KCNH8: variants seen among roughly 807,000 people sequenced by gnomAD.
KCNH8 encodes the protein voltage-gated delayed rectifier potassium channel KCNH8.
KCNH8 carries 70 observed loss-of-function variants against 103.6 expected under a neutral mutation model. The observed-to-expected ratio is 0.68, with a 90% CI of 0.56 to 0.82. The LOEUF (loss-of-function observed/expected upper bound fraction) is 0.82, where lower values mean the gene tolerates loss of function less well. Among genes scored for constraint, KCNH8 ranks in the 40% least tolerant of loss-of-function variants. The pLI, the probability that KCNH8 is intolerant of heterozygous loss-of-function variation, is 0.00. For synonymous variants in KCNH8, 498 were observed against 489.4 expected (o/e 1.02, Z -0.23); for missense variants, 1,217 against 1,329.9 (o/e 0.92, Z 1.32).
chr3:19,463,559 A>G (rs2067677081), intron 11 of KCNH8, among the ~76,000 whole-genome samples: 1 of 152,138 alleles, frequency 6.6e-6, no homozygotes, highest in Admixed American at 6.5e-5. Flanking sequence ...AATAAAAAAC[A>G]AAGGCGTAAA....
At chr3:19,367,219 T>C (rs945358523) in intron 5 of KCNH8, among the ~76,000 whole-genome samples, 9 of 151,800 alleles carry the variant, frequency 5.9e-5, no homozygotes, top group Admixed American at 6.6e-5. Flanking sequence ...CGCAATTAAA[T>C]TTTTCTTATC....
chr3:19,188,101 T>C (rs2063519548), intron 1 of KCNH8, among the ~76,000 whole-genome samples: 1 of 152,022 alleles, frequency 6.6e-6, no homozygotes, highest in African/African-American at 2.4e-5. Context: ...TCCTGGAAAA[T>C]AGCCCTACTC....
intron 1 of KCNH8, among the ~76,000 whole-genome samples, chr3:19,233,763 T>C (rs1445261907): frequency 6.6e-6 from 1 of 152,168 alleles, no homozygotes; most frequent in East Asian, 1.9e-4. Flanking sequence ...TTGGTCTCAC[T>C]GACTTCAAGA....
At chr3:19,501,237 A>C (rs957867446) in intron 11 of KCNH8, among the ~76,000 whole-genome samples, 5 of 152,316 alleles carry the variant, frequency 3.3e-5, no homozygotes, top group African/African-American at 7.2e-5. Context: ...GAAGAAGTTG[A>C]ATCTCTGAAT....
intron 11 of KCNH8, among the ~76,000 whole-genome samples, chr3:19,490,534 G>A (rs368167125): frequency 6.6e-6 from 1 of 152,216 alleles, no homozygotes; most frequent in African/African-American, 2.4e-5. Context: ...GTAATCTATA[G>A]ATAATATAAC....
intron 2 of KCNH8, among the ~76,000 whole-genome samples, chr3:19,266,644 A>G (rs1433203700): frequency 6.6e-6 from 1 of 152,132 alleles, no homozygotes; most frequent in African/African-American, 2.4e-5. Flanking sequence ...TTCCTGATAT[A>G]TAGTAAATGC....
intron 1 of KCNH8, among the ~76,000 whole-genome samples, chr3:19,219,129 C>A (rs984639914): frequency 3.3e-5 from 5 of 152,008 alleles, no homozygotes; most frequent in African/African-American, 1.2e-4. Context: ...GTGCTGCTGC[C>A]CTAAAGTCTT....
At chr3:19,257,991 A>G (rs2064368155) in intron 2 of KCNH8, among the ~76,000 whole-genome samples, 1 of 151,986 alleles carries the variant, frequency 6.6e-6, no homozygotes. Context: ...TCATCTTTAC[A>G]TATAGGTCTC....
intron 5 of KCNH8, among the ~76,000 whole-genome samples, chr3:19,349,714 C>T (rs58857185): frequency 7.9e-5 from 12 of 152,002 alleles, no homozygotes; most frequent in East Asian, 1.9e-4. Context: ...ATACCTTTGA[C>T]GGAGATATTT....
At chr3:19,435,111 T>C (rs1217327884) in intron 7 of KCNH8, among the ~76,000 whole-genome samples, 1 of 152,176 alleles carries the variant, frequency 6.6e-6, no homozygotes, top group Non-Finnish European at 1.5e-5. Flanking sequence ...TGGTAATCAT[T>C]TCATAACGTA....
chr3:19,371,022 G>A (rs1395211450), intron 5 of KCNH8, among the ~76,000 whole-genome samples: 1 of 152,058 alleles, frequency 6.6e-6, no homozygotes, highest in East Asian at 1.9e-4. Flanking sequence ...TTGGACATTT[G>A]GGTTGGTTCC....
intron 15 of KCNH8, among the ~76,000 whole-genome samples, chr3:19,530,626 G>T (rs1175358547): frequency 6.6e-6 from 1 of 152,090 alleles, no homozygotes; most frequent in Non-Finnish European, 1.5e-5. Context: ...TGTTTAATCA[G>T]TCTCCTACAT....
At chr3:19,371,294 T>C (rs1166149957) in intron 5 of KCNH8, among the ~76,000 whole-genome samples, 3 of 151,536 alleles carry the variant, frequency 2.0e-5, no homozygotes, top group Admixed American at 1.3e-4. Flanking sequence ...TTTTTAATGA[T>C]TGCCATTCTA....
At chr3:19,238,562 A>G (rs745381380) in intron 1 of KCNH8, among the ~76,000 whole-genome samples, 2 of 152,238 alleles carry the variant, frequency 1.3e-5, no homozygotes, top group Non-Finnish European at 2.9e-5. Context: ...ATGCTGAGGA[A>G]ATACATTTTG....
At chr3:19,416,222 C>A (rs1322201753) in intron 7 of KCNH8, among the ~76,000 whole-genome samples, 3 of 151,918 alleles carry the variant, frequency 2.0e-5, no homozygotes, top group Admixed American at 2.0e-4. Flanking sequence ...TGTACATATT[C>A]TTTGTGTACT....
At chr3:19,311,100 A>G (rs1303724815) in intron 3 of KCNH8, among the ~76,000 whole-genome samples, 5 of 151,674 alleles carry the variant, frequency 3.3e-5, no homozygotes, top group Admixed American at 2.6e-4. Context: ...AGGTCCACAG[A>G]TTGCCCTACC....
intron 1 of KCNH8, among the ~76,000 whole-genome samples, chr3:19,244,462 T>C (rs530558583): frequency 6.6e-5 from 10 of 152,200 alleles, no homozygotes; most frequent in Admixed American, 1.3e-4. Flanking sequence ...TATAATGATC[T>C]ATTTTCCTTT....
intron 1 of KCNH8, among the ~76,000 whole-genome samples, chr3:19,180,283 TTGGCCCTTC>T (rs2063439097): frequency 4.5e-5 from 1 of 22,248 alleles, no homozygotes; most frequent in African/African-American, 1.5e-4. Context: ...CAAGACAGAC[TTGGCCCTTC>T]AAAGGGCCAA....
intron 10 of KCNH8, among the ~76,000 whole-genome samples, chr3:19,454,387 A>G (rs924474796): frequency 6.6e-6 from 1 of 152,158 alleles, no homozygotes; most frequent in Non-Finnish European, 1.5e-5. Context: ...TAAACGTTTT[A>G]TAGCCTGCCT....
Sources: allele counts gnomAD v4.1 joint callset (sites outside exome capture counted in the v4.1 genomes callset), GRCh38; gene constraint gnomAD v4.1.1; transcripts MANE v1.5; gene names NCBI Gene and HGNC (gene_info 2026-07-23, HGNC 2026-07-21).